The following MOB2 variants were observed in gnomAD, a reference collection of about 807,000 sequenced individuals.
MOB2 encodes MOB2 Mps One Binder homolog.
MOB2 carries 14 observed loss-of-function variants against 27.4 expected under a neutral mutation model. The ratio of observed to expected loss-of-function variants is 0.51; its 90% CI spans 0.34 to 0.80. The LOEUF is 0.80. Among genes scored for constraint, MOB2 ranks in the 30% least tolerant of loss-of-function variants. The pLI is 0.01. For synonymous variants in MOB2, 167 were observed against 151.8 expected, an observed-to-expected ratio of 1.10 and a Z score of -0.74; for missense variants, 304 against 354.6, an observed-to-expected ratio of 0.86 and a Z score of 1.15.
rs780051019 is a variant in MOB2, at chr11:1,470,469, G to T, written c.510C>A (p.Ser170=). 7 of 1,612,274 alleles carry T rather than the reference G, an allele frequency of 4.3e-6. No individual in the cohort carries two copies. Among genetic ancestry groups the T allele is most frequent in the Non-Finnish European group, 5.9e-6 (7 of 1,178,836 alleles). ...PTKYGREFPS[S]FESLVRKICR... ...AGATCTTCCTCACCAGGGACTCAAA[G>T]GAGCTGGGGAATTCTCTGCCTGGGG... The change falls in exon 5 of 5, where the codon TCC becomes TCA. Residue 170 remains serine (S), a synonymous_variant. Coordinates refer to ENST00000329957, the MANE Select transcript of MOB2 (RefSeq NM_001172223.3).
intron 1 of MOB2, chr11:1,481,166 C>A: frequency 3.5e-6 from 2 of 571,996 alleles, no homozygotes; most frequent in Admixed American, 2.6e-5. Context: ...CCTCACCCCT[C>A]ACCAAGTCCT....
intron 1 of MOB2, among the ~76,000 whole-genome samples, chr11:1,482,161 G>A (rs112551247): frequency 5.3e-5 from 8 of 152,212 alleles, no homozygotes; most frequent in African/African-American, 1.7e-4. Context: ...CTTCCCATTT[G>A]GAGGGGTGGG....
intron 3 of MOB2, among the ~76,000 whole-genome samples, chr11:1,478,463 C>T (rs1483890453): frequency 6.6e-6 from 1 of 152,198 alleles, no homozygotes; most frequent in Non-Finnish European, 1.5e-5. Context: ...TTCTTTTCTC[C>T]CAGCACTGGA....
At chr11:1,481,403 G>A in intron 1 of MOB2, 1 of 191,642 alleles carries the variant, frequency 5.2e-6, no homozygotes, top group Non-Finnish European at 1.1e-5. Context: ...CCTGGCATCA[G>A]GCGGCAGCCT....
intron 4 of MOB2, 113 bp from the exon 5 acceptor site, chr11:1,470,601 G>A (rs984131978): frequency 8.0e-7 from 1 of 1,248,120 alleles, no homozygotes; most frequent in Admixed American, 2.5e-5. Context: ...CCTTGACCCT[G>A]CCACCCTCAG....
intron 1 of MOB2, among the ~76,000 whole-genome samples, chr11:1,483,697 G>C (rs768491033): frequency 7.2e-5 from 11 of 152,192 alleles, no homozygotes; most frequent in Non-Finnish European, 1.5e-4. Context: ...AACTTCTCCT[G>C]GTCCTTTAAG....
At chr11:1,482,459 G>A (rs1404975758) in intron 1 of MOB2, among the ~76,000 whole-genome samples, 1 of 152,218 alleles carries the variant, frequency 6.6e-6, no homozygotes, top group Non-Finnish European at 1.5e-5. Flanking sequence ...CTGGAGACCT[G>A]GCTTCCCTCT....
rs1464467082 is a variant in MOB2, at chr11:1,470,093, T to C, written c.*79A>G. ...CCTCACCACACGCGTGCCCAGCACA[T>C]GTGTGCACACGCAGATGCAGGAGAG... On this transcript the variant is annotated 3_prime_UTR_variant, in exon 5 of 5. Transcript: ENST00000329957. The C allele has an allele frequency of 1.3e-6, 2 of 1,545,492 alleles. No individual in the cohort carries two copies. The highest frequency in any genetic ancestry group is 2.0e-5 in the Admixed American group (1 of 50,970).
At chr11:1,483,800 C>T (rs546881619) in intron 1 of MOB2, among the ~76,000 whole-genome samples, 2 of 152,334 alleles carry the variant, frequency 1.3e-5, no homozygotes, top group African/African-American at 2.4e-5. Flanking sequence ...CTGATCCCTA[C>T]TGGGAAGTGA....
At chr11:1,484,035 C>T (rs145161849) in intron 1 of MOB2, among the ~76,000 whole-genome samples, 5 of 152,330 alleles carry the variant, frequency 3.3e-5, no homozygotes, top group Non-Finnish European at 7.3e-5. Flanking sequence ...ACAGCACAAC[C>T]GAGTGCCCTG....
intron 1 of MOB2, among the ~76,000 whole-genome samples, chr11:1,482,568 G>C (rs1171412641): frequency 6.6e-6 from 1 of 152,204 alleles, no homozygotes; most frequent in Non-Finnish European, 1.5e-5. Flanking sequence ...TGCTCTCCTA[G>C]AACACAGAAG....
chr11:1,483,903 C>T (rs1035169687), intron 1 of MOB2, among the ~76,000 whole-genome samples: 2 of 152,202 alleles, frequency 1.3e-5, no homozygotes, highest in East Asian at 3.9e-4. Flanking sequence ...CTTAGACAAC[C>T]ACACAGTCAA....
At chr11:1,480,582 G>T in intron 2 of MOB2, 96 bp from the exon 3 acceptor site, 2 of 1,534,630 alleles carry the variant, frequency 1.3e-6, no homozygotes, top group Non-Finnish European at 1.8e-6. Context: ...AGCTCGGCTG[G>T]GTGAGCTCTG....
intron 1 of MOB2, among the ~76,000 whole-genome samples, chr11:1,484,538 C>T (rs944907972): frequency 7.2e-5 from 11 of 152,200 alleles, no homozygotes; most frequent in Middle Eastern, 3.4e-3. Context: ...CAGTAGCCAC[C>T]CGGTACAGAG....
At chr11:1,480,633 G>GC in intron 2 of MOB2, 92 bp downstream of exon 2, 1 of 1,537,292 alleles carries the variant, frequency 6.5e-7, no homozygotes, top group Non-Finnish European at 8.8e-7. Flanking sequence ...GCAGGGGGCT[G>GC]CTGAGCACCA....
intron 1 of MOB2, among the ~76,000 whole-genome samples, chr11:1,482,508 G>A (rs1047940715): frequency 2.6e-5 from 4 of 152,174 alleles, no homozygotes; most frequent in Admixed American, 6.5e-5. Flanking sequence ...GTGAGCAGCC[G>A]CCACTCCGGC....
intron 1 of MOB2, among the ~76,000 whole-genome samples, chr11:1,483,285 T>C (rs1216424216): frequency 6.6e-6 from 1 of 152,108 alleles, no homozygotes; most frequent in African/African-American, 2.4e-5. Context: ...TCCTTCGATG[T>C]GGAGGGAGGA....
In MOB2 at chr11:1,470,135, T is replaced by G; in HGVS notation, c.*37A>C. 6.4e-7 allele frequency: 1 copy of G among 1,559,410 alleles called. No homozygotes were observed. The highest frequency in any genetic ancestry group is 8.7e-7 in the Non-Finnish European group (1 of 1,152,656). ...GCAGGAGAGAACACACACCACCGTC[T>G]CTTTGCACACGTGTGCCCCTGTCCG... On this transcript the variant is annotated 3_prime_UTR_variant, in exon 5 of 5. Coordinates refer to ENST00000329957, the MANE Select transcript of MOB2 (RefSeq NM_001172223.3).
At chr11:1,484,242 C>T (rs1432040706) in intron 1 of MOB2, among the ~76,000 whole-genome samples, 1 of 152,178 alleles carries the variant, frequency 6.6e-6, no homozygotes. Context: ...CTTCCCACCA[C>T]AGGTCAACGC....
Sources: gnomAD v4.1 joint callset for allele counts (sites outside exome capture counted in the v4.1 genomes callset) on GRCh38, gnomAD v4.1.1 for gene constraint, MANE v1.5 for transcripts, NCBI Gene and HGNC (gene_info 2026-07-23, HGNC 2026-07-21) for gene names.